PBX1: variants seen among roughly 807,000 people sequenced by gnomAD.
The protein encoded by PBX1 is pre-B-cell leukemia transcription factor 1.
In PBX1, 6 loss-of-function variants were observed where a neutral mutation model predicts 53.4. The observed-to-expected ratio is 0.11, with a 90% confidence interval of 0.06 to 0.22. The LOEUF (loss-of-function observed/expected upper bound fraction) is 0.22, where lower values mean the gene tolerates loss of function less well. PBX1 is among the 10% of genes least tolerant of loss of function. The pLI is 1.00. For synonymous variants in PBX1, 204 were observed against 212.3 expected, an observed-to-expected ratio of 0.96 and a Z score of 0.34; for missense variants, 251 against 551.4, an observed-to-expected ratio of 0.46 and a Z score of 5.46.
intron 2 of PBX1, among the ~76,000 whole-genome samples, chr1:164,874,753 C>G (rs1856493): frequency 0.38 from 58,538 of 152,104 alleles, 11,532 homozygotes; most frequent in Middle Eastern, 0.48. Flanking sequence ...CTTGGCCTCC[C>G]AAATTGCTGG....
At chr1:164,659,579 G>T (rs1412510141) in intron 2 of PBX1, among the ~76,000 whole-genome samples, 1 of 152,188 alleles carries the variant, frequency 6.6e-6, no homozygotes, top group Admixed American at 6.5e-5. Flanking sequence ...AGGTGAGTTT[G>T]GGAAGGACAT....
chr1:164,560,489 G>C (rs1652959593), intron 1 of PBX1: 1 of 287,866 alleles, frequency 3.5e-6, no homozygotes. Flanking sequence ...ACCTAATTCA[G>C]CGAGTTTGAT....
chr1:164,845,416 A>C (rs980201360), intron 8 of PBX1, among the ~76,000 whole-genome samples: 2 of 152,056 alleles, frequency 1.3e-5, no homozygotes, highest in African/African-American at 2.4e-5. Flanking sequence ...ATCTCCCCCA[A>C]ATTTTTCAGA....
chr1:164,637,265 G>A (rs1169096673), intron 2 of PBX1, among the ~76,000 whole-genome samples: 1 of 152,166 alleles, frequency 6.6e-6, no homozygotes, highest in Admixed American at 6.5e-5. Flanking sequence ...TGCTTTCCCT[G>A]ATAGGCAGAG....
chr1:164,570,987 G>T (rs1383798443), intron 2 of PBX1, among the ~76,000 whole-genome samples: 2 of 151,996 alleles, frequency 1.3e-5, no homozygotes, highest in East Asian at 1.9e-4. Flanking sequence ...ATATATGTTT[G>T]TTGGCCACAT....
intron 2 of PBX1, among the ~76,000 whole-genome samples, chr1:164,866,568 C>T (rs1672223201): frequency 6.6e-6 from 1 of 152,200 alleles, no homozygotes; most frequent in African/African-American, 2.4e-5. Context: ...TCATGCTGAT[C>T]CTGACTTTAC....
chr1:164,740,268 C>T (rs900670795), intron 2 of PBX1, among the ~76,000 whole-genome samples: 3 of 151,824 alleles, frequency 2.0e-5, no homozygotes, highest in African/African-American at 7.3e-5. Flanking sequence ...CTATGATGTG[C>T]AACAAACCAT....
intron 2 of PBX1, among the ~76,000 whole-genome samples, chr1:164,673,667 A>C (rs1661246626): frequency 6.6e-6 from 1 of 151,928 alleles, no homozygotes; most frequent in Non-Finnish European, 1.5e-5. Context: ...TTGCCCTAAG[A>C]AACTTAACTC....
intron 8 of PBX1, among the ~76,000 whole-genome samples, chr1:164,832,046 T>C (rs997089707): frequency 6.6e-6 from 1 of 152,226 alleles, no homozygotes; most frequent in South Asian, 2.1e-4. Context: ...AACTTTCTAA[T>C]AGATATCAGA....
chr1:164,798,797 A>G (rs1668913113), intron 3 of PBX1, among the ~76,000 whole-genome samples: 1 of 152,212 alleles, frequency 6.6e-6, no homozygotes, highest in Non-Finnish European at 1.5e-5. Context: ...ACCCCTGGGG[A>G]CAGATTCCCT....
chr1:164,835,239 GTTTTTTTTTT>G (rs71670294), intron 8 of PBX1, among the ~76,000 whole-genome samples: 1 of 136,120 alleles, frequency 7.3e-6, no homozygotes, highest in Non-Finnish European at 1.6e-5. Flanking sequence ...TTTGATTTTG[GTTTTTTTTTT>G]TTTTTTTTAC....
rs141734556 is a variant in PBX1 at position 164,736,757 on chromosome 1, G to A, written c.266-55737G>A. 7.9e-5 allele frequency among the ~76,000 whole-genome samples: 12 copies of A among 152,250 alleles called. No homozygotes were observed. The East Asian group carries it at 2.1e-3, about 27-fold the overall frequency. ...AAACAGGATGGAAAGAAAGGGGGAA[G>A]GAGAGAGAACATGCATAAAAATCAG... On this transcript the variant is annotated intron_variant, in intron 2 of 8. Coordinates refer to ENST00000420696, the MANE Select transcript of PBX1 (RefSeq NM_002585.4).
chr1:164,793,272 CG>C (rs1285925429), intron 3 of PBX1, among the ~76,000 whole-genome samples: 1 of 152,122 alleles, frequency 6.6e-6, no homozygotes, highest in African/African-American at 2.4e-5. Context: ...GAGAGTCAAA[CG>C]TATTCCCTCT....
At chr1:164,659,111 T>C (rs1351113148) in intron 2 of PBX1, among the ~76,000 whole-genome samples, 2 of 152,226 alleles carry the variant, frequency 1.3e-5, no homozygotes, top group Non-Finnish European at 2.9e-5. Flanking sequence ...TCTTTTTCCC[T>C]ACAATGAACA....
rs534115358 is a variant in PBX1, at chr1:164,722,217, C to T, written c.266-70277C>T. On this transcript the variant is annotated intron_variant, in intron 2 of 8. Transcript: ENST00000420696. ...ATTGAAGCCTTAATCTCTTATGCTGCGATCAATGGGTGGGCACCTTTCCCA... is the reference window on the plus strand; with the variant it reads ...ATTGAAGCCTTAATCTCTTATGCTGTGATCAATGGGTGGGCACCTTTCCCA... Among the ~76,000 whole-genome samples the T allele has an allele frequency of 1.4e-4, 21 of 152,238 alleles. No homozygotes were observed. The South Asian group carries it at 2.9e-3, about 21-fold the overall frequency.
In PBX1 at chr1:164,716,685, T is replaced by TACACACACACACACACACACACAC. The variant is rs375539653; in HGVS notation, c.266-75787_266-75764dup. Reference sequence around the variant, plus strand: ...TGGGCAACATGGGAAATGTCATCTCTACACACACACACACACACACACACA... The same window carrying TACACACACACACACACACACACAC: ...TGGGCAACATGGGAAATGTCATCTCTACACACACACACACACACACACACACACACACACACACACACACACACA... On this transcript the variant is annotated intron_variant, in intron 2 of 8. Transcript: ENST00000420696. Among the ~76,000 whole-genome samples, 678 of 115,808 alleles carry TACACACACACACACACACACACAC rather than the reference T, an allele frequency of 5.9e-3. 8 individuals are homozygous for TACACACACACACACACACACACAC. Among genetic ancestry groups the TACACACACACACACACACACACAC allele is most frequent in the South Asian group, 0.01 (26 of 2,542 alleles). 76.0% of individuals were successfully genotyped at this position (115,808 alleles called of 152,430 possible). A position where few individuals can be genotyped will look rare whatever the true frequency, so the allele number is the denominator to read the frequency against.
intron 2 of PBX1, among the ~76,000 whole-genome samples, chr1:164,604,739 A>C (rs1464179724): frequency 6.6e-6 from 1 of 152,214 alleles, no homozygotes; most frequent in Non-Finnish European, 1.5e-5. Context: ...TCTTAGTAAT[A>C]AGTAGGAAAT....
intron 2 of PBX1, among the ~76,000 whole-genome samples, chr1:164,694,123 C>T (rs1662661827): frequency 6.6e-6 from 1 of 152,120 alleles, no homozygotes; most frequent in South Asian, 2.1e-4. Context: ...CAGATTTCTG[C>T]CCCTGCAGAT....
intron 2 of PBX1, among the ~76,000 whole-genome samples, chr1:164,747,054 C>T (rs1665931580): frequency 2.6e-5 from 4 of 152,100 alleles, no homozygotes; most frequent in Admixed American, 1.3e-4. Flanking sequence ...TCCTATTGTG[C>T]AGGTGAGGAA....
Sources: allele counts gnomAD v4.1 joint callset (sites outside exome capture counted in the v4.1 genomes callset), GRCh38; gene constraint gnomAD v4.1.1; transcripts MANE v1.5; gene names NCBI Gene and HGNC (gene_info 2026-07-23, HGNC 2026-07-21).